MEGF11: variants seen among roughly 807,000 people sequenced by gnomAD.
MEGF11 encodes the protein multiple EGF like domains 11.
In MEGF11, 126 loss-of-function variants were observed where a neutral mutation model predicts 146.6. That is an observed-to-expected ratio of 0.86 (90% confidence interval 0.74 to 1.00). The LOEUF is 1.00. MEGF11 is among the 50% of genes least tolerant of loss of function. The pLI is 0.00. For synonymous variants in MEGF11, 532 were observed against 583.4 expected (o/e 0.91, Z 1.27); for missense variants, 1,509 against 1,521.2 (o/e 0.99, Z 0.13).
chr15:66,229,829 G>A (rs1415797215), intron 1 of MEGF11, among the ~76,000 whole-genome samples: 3 of 152,212 alleles, frequency 2.0e-5, no homozygotes, highest in Admixed American at 6.5e-5. Flanking sequence ...TGGAATTTAG[G>A]TGATTAAAAT....
intron 1 of MEGF11, among the ~76,000 whole-genome samples, chr15:66,134,658 C>T (rs1295683836): frequency 6.6e-6 from 1 of 152,252 alleles, no homozygotes; most frequent in Admixed American, 6.5e-5. Flanking sequence ...CCATTCCTGC[C>T]CCCTTAAAGA....
chr15:65,925,466 GA>G (rs977219314), intron 13 of MEGF11, among the ~76,000 whole-genome samples: 1 of 152,234 alleles, frequency 6.6e-6, no homozygotes, highest in African/African-American at 2.4e-5. Flanking sequence ...TAAGTGGAAA[GA>G]AGGGTCAAGG....
intron 5 of MEGF11, among the ~76,000 whole-genome samples, chr15:66,054,131 A>T (rs2084577555): frequency 6.6e-6 from 1 of 151,982 alleles, no homozygotes; most frequent in Admixed American, 6.6e-5. Context: ...AGCTCTGCTC[A>T]GTTCCCTGAA....
intron 5 of MEGF11, among the ~76,000 whole-genome samples, chr15:66,087,215 CAAT>C (rs1262740714): frequency 6.6e-6 from 1 of 152,068 alleles, no homozygotes; most frequent in African/African-American, 2.4e-5. Context: ...GACGGCAACA[CAAT>C]AATAGTGGGG....
intron 1 of MEGF11, among the ~76,000 whole-genome samples, chr15:66,150,444 G>A (rs1013573063): frequency 8.5e-5 from 13 of 152,162 alleles, no homozygotes; most frequent in African/African-American, 3.1e-4. Flanking sequence ...CTTCCTTGGA[G>A]AGTAATTAAT....
Position 65,993,063 on chromosome 15 carries a change from G to A in MEGF11, c.395-10575C>T, listed in dbSNP as rs144698834. Among the ~76,000 whole-genome samples the A allele has an allele frequency of 1.2e-3, 178 of 152,294 alleles. 1 individual carries two copies. The highest frequency in any genetic ancestry group is 3.8e-3 in the African/African-American group (159 of 41,566). ...CGGAACTCCTGCCAGGTCTCCAGACGGTGCTGATCACGGAGGCTGATGCCA... is the reference window on the plus strand; with the variant it reads ...CGGAACTCCTGCCAGGTCTCCAGACAGTGCTGATCACGGAGGCTGATGCCA... On this transcript the variant is annotated intron_variant, in intron 5 of 25. Transcript: ENST00000395614.
intron 4 of MEGF11, among the ~76,000 whole-genome samples, chr15:66,115,060 C>A (rs112473698): frequency 6.6e-6 from 1 of 152,356 alleles, no homozygotes; most frequent in African/African-American, 2.4e-5. Context: ...AAGGCTTTCA[C>A]GCCCGGGCCT....
intron 5 of MEGF11, among the ~76,000 whole-genome samples, chr15:66,051,102 T>C (rs1314302104): frequency 6.6e-6 from 1 of 152,228 alleles, no homozygotes; most frequent in African/African-American, 2.4e-5. Context: ...CACTTGACCA[T>C]ACAAAGTGCT....
intron 5 of MEGF11, among the ~76,000 whole-genome samples, chr15:66,063,570 G>A (rs1017537345): frequency 6.6e-6 from 1 of 152,186 alleles, no homozygotes; most frequent in African/African-American, 2.4e-5. Flanking sequence ...AGCACCTACT[G>A]AGTGTGTGCA....
Position 66,107,983 on chromosome 15 carries a change from G to C in MEGF11, c.301+11103C>G, listed in dbSNP as rs79862337. On this transcript the variant is annotated intron_variant, in intron 4 of 25. Coordinates refer to ENST00000395614, the MANE Select transcript of MEGF11 (RefSeq NM_001385028.1). ...GGCCGGGGCTGGGTAGGGAGGTGTC[G>C]AGTGGGGCTCCCAGAGAATGTTAGG... Among the ~76,000 whole-genome samples the C allele has an allele frequency of 8.1e-3, 1,237 of 152,304 alleles. 22 individuals carry two copies. The highest frequency in any genetic ancestry group is 0.028 in the African/African-American group (1,171 of 41,550).
intron 1 of MEGF11, among the ~76,000 whole-genome samples, chr15:66,199,828 A>G (rs1447441086): frequency 4.6e-5 from 7 of 152,168 alleles, no homozygotes; most frequent in African/African-American, 1.4e-4. Context: ...ATATGCTAAC[A>G]ATGTAAAAAA....
At chr15:66,230,144 G>A (rs867604312) in intron 1 of MEGF11, among the ~76,000 whole-genome samples, 8 of 152,134 alleles carry the variant, frequency 5.3e-5, no homozygotes, top group Non-Finnish European at 1.0e-4. Context: ...TCCGAGCCCA[G>A]GCAAGCTCAC....
chr15:66,148,590 G>T (rs1054910844), intron 1 of MEGF11, among the ~76,000 whole-genome samples: 49 of 152,166 alleles, frequency 3.2e-4, no homozygotes, highest in Admixed American at 3.1e-3. Context: ...CCACCTCAGA[G>T]GCTGAGTAGC....
At chr15:65,955,204 C>G (rs938573716) in intron 10 of MEGF11, among the ~76,000 whole-genome samples, 1 of 152,092 alleles carries the variant, frequency 6.6e-6, no homozygotes, top group African/African-American at 2.4e-5. Flanking sequence ...TTTTTAATCC[C>G]AAACAATTAT....
At chr15:65,957,441 CAAG>C in intron 10 of MEGF11, 103 bp downstream of exon 10, 1 of 1,117,886 alleles carries the variant, frequency 8.9e-7, no homozygotes, top group South Asian at 1.6e-5. Flanking sequence ...GAGGCGGACA[CAAG>C]GAGGCAGCTG....
At chr15:66,043,805 T>C (rs1282121116) in intron 5 of MEGF11, among the ~76,000 whole-genome samples, 1 of 152,086 alleles carries the variant, frequency 6.6e-6, no homozygotes, top group Non-Finnish European at 1.5e-5. Flanking sequence ...AAAGACCCAA[T>C]ACCAGCCCCA....
chr15:66,245,881 C>T (rs1192427840), intron 1 of MEGF11, among the ~76,000 whole-genome samples: 2 of 152,124 alleles, frequency 1.3e-5, no homozygotes, highest in Non-Finnish European at 2.9e-5. Flanking sequence ...GGATGCAGTG[C>T]CATCACCCGG....
At chr15:65,970,458 G>A (rs2081264827) in intron 8 of MEGF11, 95 bp downstream of exon 8, 6 of 1,375,902 alleles carry the variant, frequency 4.4e-6, no homozygotes, top group Non-Finnish European at 5.9e-6. Flanking sequence ...GGAACTGGAA[G>A]GCTGGCAGAG....
chr15:66,065,014 C>T (rs551287996), intron 5 of MEGF11, among the ~76,000 whole-genome samples: 1 of 152,280 alleles, frequency 6.6e-6, no homozygotes, highest in African/African-American at 2.4e-5. Context: ...CCATGCAGTG[C>T]CATGCCAATA....
Sources: allele counts gnomAD v4.1 joint callset (sites outside exome capture counted in the v4.1 genomes callset), GRCh38; gene constraint gnomAD v4.1.1; transcripts MANE v1.5; gene names NCBI Gene and HGNC (gene_info 2026-07-23, HGNC 2026-07-21).